ADARB2: variants seen among roughly 807,000 people sequenced by gnomAD.
The protein encoded by ADARB2 is inactive double-stranded RNA-specific editase B2.
Under a neutral mutation model 62.2 loss-of-function variants are expected in ADARB2, and 25 were observed. The ratio of observed to expected loss-of-function variants is 0.40; its 90% CI spans 0.29 to 0.56. The LOEUF (loss-of-function observed/expected upper bound fraction) is 0.56, where lower values mean the gene tolerates loss of function less well. ADARB2 is among the 20% of genes least tolerant of loss of function. The pLI is 0.43. For synonymous variants in ADARB2, 572 were observed against 500.8 expected (o/e 1.14, Z -1.90); for missense variants, 1,071 against 1,077.4 (o/e 0.99, Z 0.08).
At chr10:1,262,287 T>TATAATATA (rs1554771087) in intron 4 of ADARB2, among the ~76,000 whole-genome samples, 1 of 135,780 alleles carries the variant, frequency 7.4e-6, no homozygotes, top group Non-Finnish European at 1.5e-5. Context: ...AAACTTAAAG[T>TATAATATA]ATAATAATAA....
intron 2 of ADARB2, among the ~76,000 whole-genome samples, chr10:1,373,565 T>C (rs1832393216): frequency 6.6e-6 from 1 of 152,186 alleles, no homozygotes; most frequent in African/African-American, 2.4e-5. Flanking sequence ...GTGCATTATG[T>C]ATACTTTGTG....
chr10:1,724,296 A>G (rs893795750), intron 1 of ADARB2, among the ~76,000 whole-genome samples: 4 of 152,188 alleles, frequency 2.6e-5, no homozygotes, highest in African/African-American at 7.2e-5. Flanking sequence ...GAGGTGCACA[A>G]TTCTTGCCTG....
intron 1 of ADARB2, among the ~76,000 whole-genome samples, chr10:1,388,802 T>C (rs1302216930): frequency 6.6e-6 from 1 of 152,214 alleles, no homozygotes; most frequent in Non-Finnish European, 1.5e-5. Context: ...CCCTAATTTT[T>C]CTATAGATAT....
At chr10:1,598,771 G>A (rs12412159) in intron 1 of ADARB2, among the ~76,000 whole-genome samples, 3 of 152,140 alleles carry the variant, frequency 2.0e-5, no homozygotes, top group African/African-American at 7.2e-5. Context: ...GCAAGCCAGG[G>A]AGAGCCCTGG....
intron 1 of ADARB2, among the ~76,000 whole-genome samples, chr10:1,481,152 T>C (rs1329071833): frequency 6.6e-6 from 1 of 152,140 alleles, no homozygotes; most frequent in Non-Finnish European, 1.5e-5. Flanking sequence ...GGCTCAGAAA[T>C]AAACCTTTGC....
At chr10:1,411,343 C>A (rs189358548) in intron 1 of ADARB2, among the ~76,000 whole-genome samples, 2 of 152,190 alleles carry the variant, frequency 1.3e-5, no homozygotes, top group Non-Finnish European at 2.9e-5. Context: ...GAGGCTCCGT[C>A]GTTAGCCCAC....
chr10:1,556,946 T>C, intron 1 of ADARB2: 1 of 420,136 alleles, frequency 2.4e-6, no homozygotes, highest in Non-Finnish European at 5.0e-6. Context: ...TTTATGAAGG[T>C]AATAACTTGG....
rs371764681 is a variant in ADARB2 at position 1,242,095 on chromosome 10, G to A, written c.1361+36C>T. The stretch of plus-strand genomic sequence containing the variant: ...CTCCCTGGCAGCCCCCAGCCGCGGC[G>A]TCCGCCTTCCCTGGAGCCCGTCCCC... On this transcript the variant is annotated intron_variant, in intron 5 of 9. Transcript: ENST00000381312. The A allele has an allele frequency of 2.8e-4, 444 of 1,561,516 alleles. 2 individuals carry two copies. The African/African-American group carries it at 3.1e-3, about 11-fold the overall frequency.
rs140641363 is a variant in ADARB2, at chr10:1,242,657, C to A, written c.1193-358G>T. On this transcript the variant is annotated intron_variant, in intron 4 of 9. Coordinates refer to ENST00000381312, the MANE Select transcript of ADARB2 (RefSeq NM_018702.4). ...AGGTCCCCTGTGAGTGGGAGCAGTG[C>A]TAGCTGCGGCCTGGGCTTCCTGCCC... Among the ~76,000 whole-genome samples the A allele has an allele frequency of 4.0e-3, 606 of 152,302 alleles. 6 individuals carry two copies. The highest frequency in any genetic ancestry group is 0.014 in the African/African-American group (566 of 41,574).
intron 1 of ADARB2, among the ~76,000 whole-genome samples, chr10:1,585,711 T>C (rs752535596): frequency 2.6e-5 from 4 of 152,240 alleles, no homozygotes; most frequent in Non-Finnish European, 5.9e-5. Flanking sequence ...CTGATATTGA[T>C]TGATGTCTCA....
chr10:1,260,686 A>T lies in ADARB2; in HGVS notation c.1192+10269T>A, dbSNP rs373291643. 2.4e-3 allele frequency among the ~76,000 whole-genome samples: 360 copies of T among 149,794 alleles called. 1 individual carries two copies. Among genetic ancestry groups the T allele is most frequent in the African/African-American group, 8.1e-3 (327 of 40,306 alleles). The stretch of plus-strand genomic sequence containing the variant: ...ACAAATGGAAGAACATTCCATGCTC[A>T]TGGGTAGGAAGAATCAATATTGTGA... On this transcript the variant is annotated intron_variant, in intron 4 of 9. Transcript: ENST00000381312.
At position 1,383,099 on chromosome 10, in the gene ADARB2, T is replaced by A. The variant is rs1031083744; in HGVS notation, c.101-3939A>T. 2.6e-5 allele frequency among the ~76,000 whole-genome samples: 4 copies of A among 152,220 alleles called. No individual in the cohort carries two copies. The South Asian group carries it at 8.3e-4, about 32-fold the overall frequency. On this transcript the variant is annotated intron_variant, in intron 1 of 9. Coordinates refer to ENST00000381312, the MANE Select transcript of ADARB2 (RefSeq NM_018702.4). ...ACCTTGTTACTCACTGTGGAATAAA[T>A]GGCATTTACCTGAAGCAATTTTATG... is the stretch of plus-strand genomic sequence containing the variant.
intron 1 of ADARB2, among the ~76,000 whole-genome samples, chr10:1,429,733 C>T (rs1427277239): frequency 6.6e-6 from 1 of 152,320 alleles, no homozygotes; most frequent in South Asian, 2.1e-4. Context: ...AAGACAGTCA[C>T]TTTGAATACC....
chr10:1,659,558 C>T (rs189515448), intron 1 of ADARB2, among the ~76,000 whole-genome samples: 247 of 152,356 alleles, frequency 1.6e-3, no homozygotes, highest in African/African-American at 5.4e-3. Context: ...ATTCTCAGCG[C>T]GTCTCCAGCT....
intron 1 of ADARB2, among the ~76,000 whole-genome samples, chr10:1,627,853 A>C (rs903464285): frequency 6.6e-6 from 1 of 152,198 alleles, no homozygotes; most frequent in African/African-American, 2.4e-5. Flanking sequence ...CTCTTTGGTC[A>C]TGTTTGTCCT....
chr10:1,442,876 A>T (rs897283146), intron 1 of ADARB2, among the ~76,000 whole-genome samples: 2 of 152,220 alleles, frequency 1.3e-5, no homozygotes, highest in African/African-American at 4.8e-5. Flanking sequence ...AATGGACAAG[A>T]GGAAAAACAA....
At chr10:1,528,133 C>T (rs1832172760) in intron 1 of ADARB2, among the ~76,000 whole-genome samples, 2 of 152,228 alleles carry the variant, frequency 1.3e-5, no homozygotes, top group Non-Finnish European at 2.9e-5. Context: ...GTGTCCGCGG[C>T]TGTGGGCTAC....
intron 1 of ADARB2, among the ~76,000 whole-genome samples, chr10:1,508,019 G>C (rs1831873459): frequency 6.6e-6 from 1 of 152,186 alleles, no homozygotes; most frequent in Non-Finnish European, 1.5e-5. Flanking sequence ...GTGTGACCTT[G>C]GGGAAACCTC....
rs59875842 is a variant in ADARB2, at chr10:1,720,179, G to A, written c.100+16872C>T. ...GAAAATGAGGTCCACATACACTGTG[G>A]AATATAATGCAGCCATGAAAAAGAA... On this transcript the variant is annotated intron_variant, in intron 1 of 9. Coordinates refer to ENST00000381312, the MANE Select transcript of ADARB2 (RefSeq NM_018702.4). Among the ~76,000 whole-genome samples the A allele has an allele frequency of 8.9e-3, 1,359 of 152,288 alleles. 20 individuals carry two copies. The highest frequency in any genetic ancestry group is 0.03 in the African/African-American group (1,245 of 41,534).
Sources: allele counts gnomAD v4.1 joint callset (sites outside exome capture counted in the v4.1 genomes callset), GRCh38; gene constraint gnomAD v4.1.1; transcripts MANE v1.5; gene names NCBI Gene and HGNC (gene_info 2026-07-23, HGNC 2026-07-21).